The following TMC1 variants were observed in gnomAD, a reference collection of about 807,000 sequenced individuals.
TMC1 encodes the protein transmembrane channel like 1.
TMC1 carries 84 observed loss-of-function variants against 105.8 expected under a neutral mutation model. The ratio of observed to expected loss-of-function variants is 0.79; its 90% CI spans 0.67 to 0.95. The LOEUF (loss-of-function observed/expected upper bound fraction) is 0.95, where lower values mean the gene tolerates loss of function less well. Ranked by LOEUF, TMC1 falls within the 40% of genes least tolerant of loss-of-function variation. TMC1 has a pLI of 0.00. For missense variants in TMC1, 817 were observed against 914.1 expected, an observed-to-expected ratio of 0.89 and a Z score of 1.37; for synonymous variants, 315 against 311.5, an observed-to-expected ratio of 1.01 and a Z score of -0.12.
intron 2 of TMC1, among the ~76,000 whole-genome samples, chr9:72,611,041 T>G (rs1311733409): frequency 2.0e-5 from 3 of 152,224 alleles, no homozygotes; most frequent in Non-Finnish European, 4.4e-5. Context: ...CTAAGATAAT[T>G]GGATGATGTA....
chr9:72,810,323 A>G (rs1242585479), intron 18 of TMC1, among the ~76,000 whole-genome samples: 1 of 152,162 alleles, frequency 6.6e-6, no homozygotes, highest in Non-Finnish European at 1.5e-5. Flanking sequence ...GAAATAAAAG[A>G]TAAAATCATG....
intron 5 of TMC1, among the ~76,000 whole-genome samples, chr9:72,686,540 C>A (rs1826382714): frequency 6.6e-6 from 1 of 152,174 alleles, no homozygotes; most frequent in African/African-American, 2.4e-5. Context: ...TAAAATCGAG[C>A]TTGCTCTGAG....
intron 1 of TMC1, among the ~76,000 whole-genome samples, chr9:72,543,995 A>C (rs1254504605): frequency 7.9e-6 from 1 of 127,348 alleles, no homozygotes; most frequent in Non-Finnish European, 1.6e-5. Flanking sequence ...TCTTTCACCC[A>C]GGCTGGAGTG....
chr9:72,791,030 G>A (rs1164382748), intron 15 of TMC1, among the ~76,000 whole-genome samples: 1 of 152,130 alleles, frequency 6.6e-6, no homozygotes, highest in Non-Finnish European at 1.5e-5. Flanking sequence ...ATAGTCACCA[G>A]AGTTACCTAA....
At chr9:72,662,264 G>A (rs570557699) in intron 5 of TMC1, among the ~76,000 whole-genome samples, 1 of 149,150 alleles carries the variant, frequency 6.7e-6, no homozygotes, top group South Asian at 2.1e-4. Context: ...TTAGCTCACC[G>A]CAACCTCCAC....
At chr9:72,752,447 A>AACACACACAC (rs10640023) in intron 11 of TMC1, among the ~76,000 whole-genome samples, 4,207 of 149,146 alleles carry the variant, frequency 0.028, 103 homozygotes, top group Admixed American at 0.062. Context: ...TAATGCCCAC[A>AACACACACAC]ACACACACAC....
intron 5 of TMC1, among the ~76,000 whole-genome samples, chr9:72,654,611 A>G (rs1410991561): frequency 6.6e-6 from 1 of 152,122 alleles, no homozygotes; most frequent in East Asian, 1.9e-4. Flanking sequence ...AGTGGTAAAA[A>G]TATCAGTTCC....
intron 4 of TMC1, among the ~76,000 whole-genome samples, chr9:72,645,738 C>T (rs983438240): frequency 2.0e-5 from 3 of 152,186 alleles, no homozygotes; most frequent in African/African-American, 7.2e-5. Flanking sequence ...AATGGGAAAT[C>T]ATTAGGCAGC....
At chr9:72,679,948 C>T (rs956772096) in intron 5 of TMC1, among the ~76,000 whole-genome samples, 1 of 151,988 alleles carries the variant, frequency 6.6e-6, no homozygotes, top group Non-Finnish European at 1.5e-5. Context: ...TGTACAGTGC[C>T]TACTATTCCA....
chr9:72,759,650 A>G (rs1379958393), intron 12 of TMC1, among the ~76,000 whole-genome samples: 1 of 152,202 alleles, frequency 6.6e-6, no homozygotes, highest in East Asian at 1.9e-4. Context: ...AGCTGCCTCT[A>G]CATAGGCTAC....
In TMC1 at chr9:72,788,347, A is replaced by G. The variant is rs149912546; in HGVS notation, c.893A>G (p.Lys298Arg). ...SFLVVLKAMT[K>R]NIGDDGGGDD... ...ACTTCCTGTTTTTGCAGAATGACCA[A>G]AAACATTGGTGATGATGGAGGTGGA... Residue 298 changes from lysine to arginine, a missense_variant, in exon 14 of 24, where the codon AAA becomes AGA. Physicochemically the swap from Lys to Arg is conservative, Grantham distance 26. Transcript: ENST00000297784. The G allele has an allele frequency of 1.2e-6, 2 of 1,614,036 alleles. No homozygotes were observed. Among genetic ancestry groups the G allele is most frequent in the African/African-American group, 1.3e-5 (1 of 75,056 alleles).
At chr9:72,674,825 C>T (rs542695797) in intron 5 of TMC1, among the ~76,000 whole-genome samples, 39 of 152,242 alleles carry the variant, frequency 2.6e-4, no homozygotes, top group South Asian at 6.2e-4. Context: ...GGTCTTTGTC[C>T]ATGGAATCCA....
At chr9:72,820,304 A>T (rs151155776) in intron 19 of TMC1, among the ~76,000 whole-genome samples, 262 of 152,300 alleles carry the variant, frequency 1.7e-3, no homozygotes, top group African/African-American at 6.0e-3. Flanking sequence ...TAAGCAAAAA[A>T]CTTTTTTCAT....
chr9:72,791,825 C>A, intron 15 of TMC1, 61 bp from the exon 16 acceptor site: 2 of 1,484,168 alleles, frequency 1.3e-6, no homozygotes, highest in Non-Finnish European at 1.9e-6. Context: ...AAAATTCTGG[C>A]AAAAAGCAAT....
At position 72,791,930 on chromosome 9, in the gene TMC1, G is replaced by A; in HGVS notation, c.1269G>A (p.Leu423=). The A allele has an allele frequency of 3.7e-6, 6 of 1,613,716 alleles. No homozygotes were observed. The highest frequency in any genetic ancestry group is 5.1e-6 in the Non-Finnish European group (6 of 1,179,954). Residue 423 remains leucine, a synonymous_variant, in exon 16 of 24, where the codon TTG becomes TTA. Coordinates refer to ENST00000297784, the MANE Select transcript of TMC1 (RefSeq NM_138691.3). ...TCCTAGGGATGTTCTGTCCAACATTGTTTGACTTATTTGCTGAATTAGAAG... is the reference window on the plus strand; with the variant it reads ...TCCTAGGGATGTTCTGTCCAACATTATTTGACTTATTTGCTGAATTAGAAG... ...MSLLGMFCPT[L]FDLFAELEDY... is the part of the protein sequence containing the mutation.
intron 17 of TMC1, among the ~76,000 whole-genome samples, chr9:72,798,422 G>A (rs995738775): frequency 1.3e-5 from 2 of 152,024 alleles, no homozygotes; most frequent in Non-Finnish European, 2.9e-5. Context: ...GTTCATTGCA[G>A]CACTATTCAC....
chr9:72,703,909 G>A (rs1351563023), intron 8 of TMC1, among the ~76,000 whole-genome samples: 3 of 152,210 alleles, frequency 2.0e-5, no homozygotes, highest in Non-Finnish European at 4.4e-5. Flanking sequence ...TTCAGTCTCC[G>A]TGATGAAGTT....
chr9:72,774,958 A>G (rs1306050823), intron 13 of TMC1, among the ~76,000 whole-genome samples: 5 of 152,178 alleles, frequency 3.3e-5, no homozygotes, highest in Admixed American at 6.5e-5. Context: ...CTACATCAAG[A>G]TTTTTTCACT....
intron 8 of TMC1, among the ~76,000 whole-genome samples, chr9:72,711,417 T>A (rs1334433796): frequency 2.0e-5 from 3 of 152,218 alleles, no homozygotes; most frequent in African/African-American, 7.2e-5. Context: ...CTCCACATCC[T>A]CTCCAGCACC....
Sources: gnomAD v4.1 joint callset for allele counts (sites outside exome capture counted in the v4.1 genomes callset) on GRCh38, gnomAD v4.1.1 for gene constraint, MANE v1.5 for transcripts, NCBI Gene and HGNC (gene_info 2026-07-23, HGNC 2026-07-21) for gene names.